RHOBTB1: variants seen among roughly 807,000 people sequenced by gnomAD.
RHOBTB1 encodes the protein rho-related BTB domain-containing protein 1.
A neutral mutation model predicts 71.6 loss-of-function variants in RHOBTB1; 40 were observed. The observed-to-expected ratio is 0.56, with a 90% CI of 0.43 to 0.73. The LOEUF is 0.73. Ranked by LOEUF, RHOBTB1 falls within the 30% of genes least tolerant of loss-of-function variation. RHOBTB1 has a pLI of 0.00. For synonymous variants in RHOBTB1, 319 were observed against 334.9 expected (o/e 0.95, Z 0.52); for missense variants, 797 against 894.0 (o/e 0.89, Z 1.38).
Position 60,872,267 on chromosome 10 carries a change from G to C in RHOBTB1, c.1839C>G (p.Ala613=). The change falls in exon 10 of 11, where the codon GCC becomes GCG. Residue 613 remains alanine (A), a synonymous_variant. Coordinates refer to ENST00000337910, the MANE Select transcript of RHOBTB1 (RefSeq NM_014836.5). Reference sequence around the variant, plus strand: ...TGCAGATGTGGTGCAAACACCAGGCGGCCAACTGGTGGGCATTGTGAAACT... The same window carrying C: ...TGCAGATGTGGTGCAAACACCAGGCCGCCAACTGGTGGGCATTGTGAAACT... ...LAQFHNAHQL[A]AWCLHHICTN... The C allele has an allele frequency of 6.2e-7, 1 of 1,613,998 alleles. No individual in the cohort carries two copies. Among genetic ancestry groups the C allele is most frequent in the Non-Finnish European group, 8.5e-7 (1 of 1,179,912 alleles).
At chr10:60,923,772 T>C (rs979229845) in intron 2 of RHOBTB1, among the ~76,000 whole-genome samples, 1 of 152,152 alleles carries the variant, frequency 6.6e-6, no homozygotes, top group Non-Finnish European at 1.5e-5. Flanking sequence ...TCTCACAAGA[T>C]CAAGATCTGA....
At chr10:60,888,116 G>T in intron 6 of RHOBTB1, 96 bp downstream of exon 6, 1 of 1,352,366 alleles carries the variant, frequency 7.4e-7, no homozygotes, top group Non-Finnish European at 1.0e-6. Flanking sequence ...ACGTATAAAT[G>T]TTAGCTATCG....
chr10:60,872,896 A>AAATCAACT (rs1319411171), intron 9 of RHOBTB1, among the ~76,000 whole-genome samples: 2 of 152,034 alleles, frequency 1.3e-5, no homozygotes, highest in Non-Finnish European at 2.9e-5. Flanking sequence ...AGATCCTCAA[A>AAATCAACT]AATCAACTAT....
chr10:60,997,893 C>T (rs542734593), intron 1 of RHOBTB1, among the ~76,000 whole-genome samples: 51 of 152,180 alleles, frequency 3.4e-4, no homozygotes, highest in Non-Finnish European at 5.7e-4. Context: ...GTGGTCCTCA[C>T]TATTTTTGAT....
chr10:60,952,903 A>G (rs2085463532), intron 2 of RHOBTB1, among the ~76,000 whole-genome samples: 1 of 152,158 alleles, frequency 6.6e-6, no homozygotes, highest in Non-Finnish European at 1.5e-5. Context: ...GGTGTCGATG[A>G]GCGATATGCC....
chr10:60,985,967 G>A (rs1054247166), intron 1 of RHOBTB1: 3 of 152,084 alleles, frequency 2.0e-5, no homozygotes, highest in African/African-American at 7.2e-5. Flanking sequence ...ATATATACAA[G>A]CATGGAATGT....
At chr10:60,951,751 G>A (rs2085415905) in intron 2 of RHOBTB1, among the ~76,000 whole-genome samples, 1 of 147,572 alleles carries the variant, frequency 6.8e-6, no homozygotes, top group Non-Finnish European at 1.5e-5. Flanking sequence ...GTGCCCAATG[G>A]TTGTTAATAA....
intron 2 of RHOBTB1, among the ~76,000 whole-genome samples, chr10:60,918,042 T>C (rs2133622137): frequency 6.6e-6 from 1 of 152,348 alleles, no homozygotes; most frequent in South Asian, 2.1e-4. Flanking sequence ...TGTGAATCTG[T>C]GTGCATGTGT....
At chr10:60,995,984 A>C (rs1005646410) in intron 1 of RHOBTB1, among the ~76,000 whole-genome samples, 4 of 152,220 alleles carry the variant, frequency 2.6e-5, no homozygotes, top group Non-Finnish European at 4.4e-5. Flanking sequence ...GCTAAGCACC[A>C]AACAACTTCA....
At chr10:60,979,240 T>C (rs1289484350) in intron 2 of RHOBTB1, among the ~76,000 whole-genome samples, 1 of 152,140 alleles carries the variant, frequency 6.6e-6, no homozygotes, top group African/African-American at 2.4e-5. Context: ...GCCTAAGAAT[T>C]TACCCAGTGT....
intron 2 of RHOBTB1, among the ~76,000 whole-genome samples, chr10:60,935,103 G>A (rs752675052): frequency 6.6e-6 from 1 of 151,948 alleles, no homozygotes; most frequent in Non-Finnish European, 1.5e-5. Flanking sequence ...ACAGTAAAAT[G>A]GATTAAAAAT....
chr10:60,889,644 T>A (rs1476851426), intron 5 of RHOBTB1, among the ~76,000 whole-genome samples: 2 of 152,182 alleles, frequency 1.3e-5, no homozygotes, highest in African/African-American at 4.8e-5. Context: ...GAGAGTGTTT[T>A]ACTTCTTTAA....
upstream of RHOBTB1, among the ~76,000 whole-genome samples, chr10:60,945,672 A>C (rs2085195942): frequency 6.6e-6 from 1 of 152,226 alleles, no homozygotes; most frequent in Non-Finnish European, 1.5e-5. Flanking sequence ...AATCCCCCAG[A>C]GACCCCAGAA....
chr10:60,872,615 C>G (rs1403885474), intron 9 of RHOBTB1, among the ~76,000 whole-genome samples: 1 of 148,378 alleles, frequency 6.7e-6, no homozygotes, highest in Admixed American at 6.7e-5. Flanking sequence ...CTCTGGAAGG[C>G]ACCAGCCCAC....
At chr10:61,001,753 T>C (rs530708687), upstream of RHOBTB1, among the ~76,000 whole-genome samples, 1 of 152,284 alleles carries the variant, frequency 6.6e-6, no homozygotes, top group East Asian at 1.9e-4. Context: ...GTGGGGCTCC[T>C]ACTGGGACCC....
At chr10:60,985,033 G>T (rs1201006814) in intron 2 of RHOBTB1, among the ~76,000 whole-genome samples, 1 of 152,166 alleles carries the variant, frequency 6.6e-6, no homozygotes, top group African/African-American at 2.4e-5. Context: ...ATTTGTTTAA[G>T]AGTTATCTAT....
At position 60,984,551 on chromosome 10, in the gene RHOBTB1, G is replaced by A. The variant is rs929302784; in HGVS notation, c.-62+1294C>T. 3.9e-5 allele frequency among the ~76,000 whole-genome samples: 6 copies of A among 152,152 alleles called. No individual in the cohort carries two copies. The South Asian group carries it at 1.0e-3, about 26-fold the overall frequency. On this transcript the variant is annotated intron_variant, in intron 2 of 11. Transcript: ENST00000357917. The stretch of plus-strand genomic sequence containing the variant: ...GATTTAATTAACTGAAAACCCATAA[G>A]ACAGAACTTCTTCAAATAAGCAATT...
intron 2 of RHOBTB1, among the ~76,000 whole-genome samples, chr10:60,921,382 G>A (rs139819881): frequency 2.6e-5 from 4 of 152,346 alleles, no homozygotes; most frequent in Non-Finnish European, 2.9e-5. Flanking sequence ...AAAGGATGGT[G>A]CCTCTGACAG....
intron 2 of RHOBTB1, among the ~76,000 whole-genome samples, chr10:60,911,901 G>A (rs1016706323): frequency 3.9e-5 from 6 of 152,166 alleles, no homozygotes; most frequent in Non-Finnish European, 8.8e-5. Flanking sequence ...GGATACTCAC[G>A]TTGGCCTGCT....
Sources: gnomAD v4.1 joint callset for allele counts (sites outside exome capture counted in the v4.1 genomes callset) on GRCh38, gnomAD v4.1.1 for gene constraint, MANE v1.5 for transcripts, NCBI Gene and HGNC (gene_info 2026-07-23, HGNC 2026-07-21) for gene names.